Variants in HMX1 observed in about 807,000 individuals in gnomAD.
HMX1 encodes the protein homeobox protein HMX1.
A neutral mutation model predicts 8.9 loss-of-function variants in HMX1; 8 were observed. The ratio of observed to expected loss-of-function variants is 0.90; its 90% CI spans 0.53 to 1.63. HMX1 has a LOEUF of 1.63. HMX1 is among the 40% of genes most tolerant of loss of function. The pLI is 0.00. For missense variants in HMX1, 621 were observed against 558.5 expected (o/e 1.11, Z -1.13); for synonymous variants, 311 against 283.4 (o/e 1.10, Z -0.98).
rs1355334653 is a variant in HMX1, at chr4:8,853,293, A to G, written c.395-6969T>C. 6.6e-6 allele frequency among the ~76,000 whole-genome samples: 1 copy of G among 152,158 alleles called. No homozygotes were observed. The highest frequency in any genetic ancestry group is 1.5e-5 in the Non-Finnish European group (1 of 68,030). The stretch of plus-strand genomic sequence containing the variant: ...GGTCACCAGGGACCTGGCTCCTTCT[A>G]TCCGAGGCTCTGCTTTGCTGTAACT... On this transcript the variant is annotated intron_variant, in intron 1 of 1. Coordinates refer to the HMX1 transcript ENST00000506970. This position sits in a 1 kb window ranked among gnomAD's most constrained non-coding sequence, Gnocchi z 4.7.
At chr4:8,851,674 T>C (rs1034185641) in intron 1 of HMX1, among the ~76,000 whole-genome samples, 5 of 152,190 alleles carry the variant, frequency 3.3e-5, no homozygotes, top group African/African-American at 9.6e-5. Context: ...GTCTCAGGCA[T>C]GAATCTGCCA....
Position 8,848,009 on chromosome 4 carries a change from C to A in HMX1, c.395-1685G>T, listed in dbSNP as rs189233574. 2.0e-5 allele frequency among the ~76,000 whole-genome samples: 3 copies of A among 152,128 alleles called. No individual in the cohort carries two copies. Among genetic ancestry groups the A allele is most frequent in the Admixed American group, 2.0e-4 (3 of 15,280 alleles). ...AGGGTGACATCTGAGCTCAGCGAACCGAATTTTGAATCTAAAACTCGACAC... is the reference window on the plus strand; with the variant it reads ...AGGGTGACATCTGAGCTCAGCGAACAGAATTTTGAATCTAAAACTCGACAC... On this transcript the variant is annotated intron_variant, in intron 1 of 1. Transcript: ENST00000506970. The surrounding 1 kb of genome is among the most constrained non-coding windows in gnomAD (Gnocchi z 4.1).
chr4:8,863,766 G>A (rs959619135), downstream of HMX1, among the ~76,000 whole-genome samples: 9 of 152,364 alleles, frequency 5.9e-5, no homozygotes, highest in East Asian at 5.8e-4. Flanking sequence ...GGCCAAGGGC[G>A]GTGGGACCAC....
At chr4:8,851,016 G>A (rs1182300045) in intron 1 of HMX1, among the ~76,000 whole-genome samples, 1 of 152,246 alleles carries the variant, frequency 6.6e-6, no homozygotes, top group Non-Finnish European at 1.5e-5. Context: ...CCTAGCACGG[G>A]GCCCTGGCAG....
rs1722159629 is a variant in HMX1 at position 8,870,041 on chromosome 4, G to C, written c.394+1180C>G. Among the ~76,000 whole-genome samples, 1 of 151,988 alleles carries C rather than the reference G, an allele frequency of 6.6e-6. No individual in the cohort carries two copies. Among genetic ancestry groups the C allele is most frequent in the Admixed American group, 6.6e-5 (1 of 15,252 alleles). ...CCTGAGTGTGGGTGCCGAGATGTGG[G>C]GGCTTTTGCAAAGGATCACTCCACG... On this transcript the variant is annotated intron_variant, in intron 1 of 1. Coordinates refer to ENST00000400677, the MANE Select transcript of HMX1 (RefSeq NM_018942.3). This position sits in a 1 kb window ranked among gnomAD's most constrained non-coding sequence, Gnocchi z 4.4.
At position 8,848,706 on chromosome 4, in the gene HMX1, C is replaced by T. The variant is rs1048839444; in HGVS notation, c.395-2382G>A. Among the ~76,000 whole-genome samples, 1 of 152,152 alleles carries T rather than the reference C, an allele frequency of 6.6e-6. No homozygotes were observed. The highest frequency in any genetic ancestry group is 2.4e-5 in the African/African-American group (1 of 41,434). ...CTTGCAAGAACACAGATCTGCAGGC[C>T]ACTAGAACCAAGCAAGATGCCAACA... On this transcript the variant is annotated intron_variant, in intron 1 of 1. Transcript: ENST00000506970. The surrounding 1 kb of genome is among the most constrained non-coding windows in gnomAD (Gnocchi z 4.1).
At chr4:8,846,527 C>T (rs1721281909) in intron 1 of HMX1, among the ~76,000 whole-genome samples, 1 of 152,194 alleles carries the variant, frequency 6.6e-6, no homozygotes, top group African/African-American at 2.4e-5. Flanking sequence ...TGAAGTAGGA[C>T]CAAGCTGGGA....
At chr4:8,865,156 G>C (rs1721955361), downstream of HMX1, among the ~76,000 whole-genome samples, 1 of 152,220 alleles carries the variant, frequency 6.6e-6, no homozygotes, top group Non-Finnish European at 1.5e-5. Flanking sequence ...TGAACCGCCT[G>C]TAAGGGGATT....
chr4:8,861,705 G>T (rs1721831156), intron 1 of HMX1, among the ~76,000 whole-genome samples: 1 of 152,238 alleles, frequency 6.6e-6, no homozygotes, highest in Admixed American at 6.5e-5. Flanking sequence ...CTCTGGCCTG[G>T]GGCGCCGTCG....
In HMX1 at chr4:8,849,957, G is replaced by A. The variant is rs1721394649; in HGVS notation, c.395-3633C>T. 1.3e-5 allele frequency among the ~76,000 whole-genome samples: 2 copies of A among 152,312 alleles called. No individual in the cohort carries two copies. The highest frequency in any genetic ancestry group is 1.5e-5 in the Non-Finnish European group (1 of 68,026). ...GCAGGTGACAAAGGAAGTGGCCAAGGGTGTGTCCCAAACCCTGTGGGTGTT... is the reference window on the plus strand; with the variant it reads ...GCAGGTGACAAAGGAAGTGGCCAAGAGTGTGTCCCAAACCCTGTGGGTGTT... On this transcript the variant is annotated intron_variant, in intron 1 of 1. Transcript: ENST00000506970. The surrounding 1 kb of genome is among the most constrained non-coding windows in gnomAD (Gnocchi z 6.6).
intron 1 of HMX1, among the ~76,000 whole-genome samples, chr4:8,856,747 G>A (rs898398999): frequency 6.6e-6 from 1 of 152,158 alleles, no homozygotes; most frequent in African/African-American, 2.4e-5. Flanking sequence ...GTGCCTTGGC[G>A]ATGCATTGCT....
chr4:8,858,800 ACT>A (rs919195422), intron 1 of HMX1: 15 of 151,500 alleles, frequency 9.9e-5, no homozygotes, highest in African/African-American at 3.6e-4. Flanking sequence ...CGAGAATGAA[ACT>A]CTCGGAGCAT....
At chr4:8,864,313 G>A (rs2109468664), downstream of HMX1, among the ~76,000 whole-genome samples, 1 of 152,330 alleles carries the variant, frequency 6.6e-6, no homozygotes, top group East Asian at 1.9e-4. Flanking sequence ...GTGTGTCCAG[G>A]ATGTCCAGAG....
rs1721346184 is a variant in HMX1 at position 8,848,684 on chromosome 4, G to A, written c.395-2360C>T. 6.6e-6 allele frequency among the ~76,000 whole-genome samples: 1 copy of A among 152,138 alleles called. No individual in the cohort carries two copies. Among genetic ancestry groups the A allele is most frequent in the South Asian group, 2.1e-4 (1 of 4,824 alleles). ...ATCCCCCTTTTTTCAGATATGCCTT[G>A]CAAGAACACAGATCTGCAGGCCACT... On this transcript the variant is annotated intron_variant, in intron 1 of 1. Transcript: ENST00000506970. The surrounding 1 kb of genome is among the most constrained non-coding windows in gnomAD (Gnocchi z 4.1).
intron 1 of HMX1, among the ~76,000 whole-genome samples, chr4:8,858,363 C>A (rs569517483): frequency 6.6e-6 from 1 of 152,238 alleles, no homozygotes; most frequent in African/African-American, 2.4e-5. Flanking sequence ...GACAGACACA[C>A]CGAGGGGTGA....
In HMX1 at chr4:8,867,678, C is replaced by T; in HGVS notation, c.*15G>A. 8.1e-7 allele frequency: 1 copy of T among 1,241,704 alleles called. No homozygotes were observed. Among genetic ancestry groups the T allele is most frequent in the Non-Finnish European group, 1.0e-6 (1 of 993,752 alleles). 76.9% of individuals were successfully genotyped at this position (1,241,704 alleles called of 1,614,324 possible). The stretch of plus-strand genomic sequence containing the variant: ...GGTCCACAGGGTCGTGGGGAGAGGG[C>T]CCGGCAGGCGGGGCTCACACCAGGC... On this transcript the variant is annotated 3_prime_UTR_variant, in exon 2 of 2. Transcript: ENST00000400677.
rs908146374 is a variant in HMX1, at chr4:8,868,034, G to A, written c.706C>T (p.Leu236=). The change falls in exon 2 of 2, where the codon CTG becomes TTG. Residue 236 remains leucine (L), a synonymous_variant. Coordinates refer to ENST00000400677, the MANE Select transcript of HMX1 (RefSeq NM_018942.3). The surrounding 1 kb of genome is among the most constrained non-coding windows in gnomAD (Gnocchi z 4.6). ...TCGGTGAGCTGCAGGGAGGCGGCCAGGCCGGCGCGCTCGGCGCTGCTCAGG... is the reference window on the plus strand; with the variant it reads ...TCGGTGAGCTGCAGGGAGGCGGCCAAGCCGGCGCGCTCGGCGCTGCTCAGG... ...RYLSSAERAG[L]AASLQLTETQ... 3 of 1,538,036 alleles carry A rather than the reference G, an allele frequency of 2.0e-6. No individual in the cohort carries two copies. Among genetic ancestry groups the A allele is most frequent in the African/African-American group, 1.4e-5 (1 of 70,838 alleles).
At position 8,853,471 on chromosome 4, in the gene HMX1, G is replaced by C. The variant is rs992833510; in HGVS notation, c.395-7147C>G. On this transcript the variant is annotated intron_variant, in intron 1 of 1. Coordinates refer to the HMX1 transcript ENST00000506970. This position sits in a 1 kb window ranked among gnomAD's most constrained non-coding sequence, Gnocchi z 4.7. Reference sequence around the variant, plus strand: ...TGGTCAGAACCACATCATGTGACCGGGCTGAGCTGCAAGGGAGGCTGGGAA... The same window carrying C: ...TGGTCAGAACCACATCATGTGACCGCGCTGAGCTGCAAGGGAGGCTGGGAA... 5.9e-5 allele frequency among the ~76,000 whole-genome samples: 9 copies of C among 152,180 alleles called. No homozygotes were observed. Among genetic ancestry groups the C allele is most frequent in the African/African-American group, 1.9e-4 (8 of 41,422 alleles).
chr4:8,846,297 A>C (rs1178809337), exon 2 of HMX1: 1 of 1,535,314 alleles, frequency 6.5e-7, no homozygotes, highest in South Asian at 1.2e-5. Flanking sequence ...TCCACACTGC[A>C]CAGGCTGAGG....
Sources: allele counts gnomAD v4.1 joint callset (sites outside exome capture counted in the v4.1 genomes callset), GRCh38; gene constraint gnomAD v4.1.1; non-coding constraint Gnocchi (gnomAD v3.1); transcripts MANE v1.5; gene names NCBI Gene and HGNC (gene_info 2026-07-23, HGNC 2026-07-21).